FAF1: variants seen among roughly 807,000 people sequenced by gnomAD.
The protein encoded by FAF1 is Fas associated factor 1.
A neutral mutation model predicts 92.5 loss-of-function variants in FAF1; 25 were observed. That is an observed-to-expected ratio of 0.27 (90% CI 0.20 to 0.38). The LOEUF (loss-of-function observed/expected upper bound fraction) is 0.38, where lower values mean the gene tolerates loss of function less well. Among genes scored for constraint, FAF1 ranks in the 10% least tolerant of loss-of-function variants. The probability of loss-of-function intolerance (pLI) is 1.00; values close to 1 mark genes in which losing one functional copy is unlikely to be tolerated. For missense variants in FAF1, 636 were observed against 793.3 expected, an observed-to-expected ratio of 0.80 and a Z score of 2.38; for synonymous variants, 234 against 273.2, an observed-to-expected ratio of 0.86 and a Z score of 1.42.
In FAF1 at chr1:50,592,234, A is replaced by ATT. The variant is rs1269591619; in HGVS notation, c.840+3886_840+3887insAA. Among the ~76,000 whole-genome samples the ATT allele has an allele frequency of 2.0e-5, 3 of 149,920 alleles. No homozygotes were observed. The East Asian group carries it at 5.9e-4, about 30-fold the overall frequency. Reference sequence around the variant, plus strand: ...GCATTCAATAAATGTTTCTTTAACCATAGTTATAAACTGATGCTTTTAACA... The same window carrying ATT: ...GCATTCAATAAATGTTTCTTTAACCATTTAGTTATAAACTGATGCTTTTAACA... On this transcript the variant is annotated intron_variant, in intron 9 of 18. Coordinates refer to ENST00000396153, the MANE Select transcript of FAF1 (RefSeq NM_007051.3).
At chr1:50,703,774 C>T (rs1003400591) in intron 7 of FAF1, among the ~76,000 whole-genome samples, 8 of 152,078 alleles carry the variant, frequency 5.3e-5, no homozygotes, top group Non-Finnish European at 1.0e-4. Context: ...TAGCAGGCCA[C>T]GGAGAACAGT....
chr1:50,694,080 A>G (rs1180719303), intron 7 of FAF1, among the ~76,000 whole-genome samples: 1 of 150,722 alleles, frequency 6.6e-6, no homozygotes, highest in Non-Finnish European at 1.5e-5. Context: ...TACATGACAT[A>G]TATATAAAAA....
intron 4 of FAF1, among the ~76,000 whole-genome samples, chr1:50,747,020 T>C (rs562608378): frequency 5.9e-5 from 9 of 152,270 alleles, no homozygotes; most frequent in African/African-American, 2.2e-4. Flanking sequence ...GGCCCCCGCA[T>C]AGATTTCAGA....
At chr1:50,955,049 G>A (rs890755587) in intron 1 of FAF1, among the ~76,000 whole-genome samples, 1 of 152,142 alleles carries the variant, frequency 6.6e-6, no homozygotes, top group African/African-American at 2.4e-5. Context: ...ACCAAAAGAA[G>A]TAACTGATAT....
At chr1:50,650,711 G>T (rs1052757917) in intron 8 of FAF1, among the ~76,000 whole-genome samples, 2 of 152,188 alleles carry the variant, frequency 1.3e-5, no homozygotes, top group African/African-American at 4.8e-5. Flanking sequence ...AGAACTACAT[G>T]TATTCATATT....
At chr1:50,893,650 C>T (rs1300433681) in intron 1 of FAF1, among the ~76,000 whole-genome samples, 1 of 152,170 alleles carries the variant, frequency 6.6e-6, no homozygotes, top group Non-Finnish European at 1.5e-5. Context: ...GATGCCAGCA[C>T]AGTACTGAGT....
Position 50,437,398 on chromosome 1 carries a change from T to C in FAF1, c.*4042A>G, listed in dbSNP as rs1187359343. The C allele has an allele frequency of 6.7e-6, 1 of 149,448 alleles. No individual in the cohort carries two copies. Among genetic ancestry groups the C allele is most frequent in the East Asian group, 2.0e-4 (1 of 5,120 alleles). 9.3% of individuals were successfully genotyped at this position (149,448 alleles called of 1,614,324 possible). ...TTAACCTTTCTTTTTTTTTTTTTTT[T>C]AAAGAGATGAGGTCTTACTCTGATG... On this transcript the variant is annotated 3_prime_UTR_variant, in exon 19 of 19. Transcript: ENST00000396153.
Position 50,463,220 on chromosome 1 carries a change from T to G in FAF1, c.1869+12244A>C, listed in dbSNP as rs1440056550. Among the ~76,000 whole-genome samples the G allele has an allele frequency of 2.6e-5, 4 of 152,338 alleles. No individual in the cohort carries two copies. In the South Asian group the frequency reaches 8.3e-4, roughly 32 times the overall value. On this transcript the variant is annotated intron_variant, in intron 18 of 18. Coordinates refer to ENST00000396153, the MANE Select transcript of FAF1 (RefSeq NM_007051.3). ...CTTCCTTGGTTGGCAACATTTCACA[T>G]GTGTTGTCTCAAATCACTGCTGGAG...
At chr1:50,927,434 G>A (rs1456472452) in intron 1 of FAF1, among the ~76,000 whole-genome samples, 1 of 151,980 alleles carries the variant, frequency 6.6e-6, no homozygotes, top group African/African-American at 2.4e-5. Flanking sequence ...GACAAAAAAT[G>A]AGCCGGGCAT....
chr1:50,505,728 GA>G (rs1647050820), intron 15 of FAF1, among the ~76,000 whole-genome samples: 2 of 152,184 alleles, frequency 1.3e-5, no homozygotes, highest in Non-Finnish European at 2.9e-5. Flanking sequence ...AGCTGTGACA[GA>G]AAGTATATGG....
intron 7 of FAF1, among the ~76,000 whole-genome samples, chr1:50,691,458 T>A (rs113814626): frequency 6.6e-5 from 10 of 152,044 alleles, no homozygotes; most frequent in Admixed American, 6.6e-5. Context: ...CCCAGGCTGG[T>A]CTCAAACTCC....
At chr1:50,511,579 A>G in intron 15 of FAF1, among the ~76,000 whole-genome samples, 1 of 152,062 alleles carries the variant, frequency 6.6e-6, no homozygotes, top group Non-Finnish European at 1.5e-5. Context: ...ACACGAACTC[A>G]TCCTTTTTTA....
intron 2 of FAF1, among the ~76,000 whole-genome samples, chr1:50,853,509 C>A (rs1644368445): frequency 6.6e-6 from 1 of 152,074 alleles, no homozygotes; most frequent in African/African-American, 2.4e-5. Flanking sequence ...TGAATAGAGT[C>A]TTTCTTCAGC....
chr1:50,846,532 G>A, intron 2 of FAF1: 1 of 500,346 alleles, frequency 2.0e-6, no homozygotes, highest in Non-Finnish European at 4.0e-6. Flanking sequence ...CTGCTGCTTT[G>A]AAACATACGA....
intron 6 of FAF1, among the ~76,000 whole-genome samples, chr1:50,729,769 T>C (rs890332021): frequency 6.8e-6 from 1 of 147,446 alleles, no homozygotes; most frequent in Admixed American, 6.8e-5. Flanking sequence ...ACACCTGTAA[T>C]CCCAGCACTT....
chr1:50,694,554 G>GAA (rs35983172), intron 7 of FAF1, among the ~76,000 whole-genome samples: 1 of 130,824 alleles, frequency 7.6e-6, no homozygotes, highest in Admixed American at 7.8e-5. Flanking sequence ...CTATAGCCAG[G>GAA]AAAAAAAAAA....
intron 15 of FAF1, among the ~76,000 whole-genome samples, chr1:50,497,164 A>G (rs1471310153): frequency 6.6e-6 from 1 of 152,124 alleles, no homozygotes. Context: ...GCAGCTGGAG[A>G]AAAGAAAAGA....
chr1:50,802,667 C>T (rs1553141136), intron 2 of FAF1, among the ~76,000 whole-genome samples: 6 of 152,190 alleles, frequency 3.9e-5, no homozygotes, highest in Non-Finnish European at 7.3e-5. Context: ...TGCAGGGTAA[C>T]AGAGAATATT....
At chr1:50,884,715 GT>G (rs1252914674) in intron 1 of FAF1, among the ~76,000 whole-genome samples, 2 of 151,562 alleles carry the variant, frequency 1.3e-5, no homozygotes, top group Non-Finnish European at 2.9e-5. Flanking sequence ...CTGAACTGTA[GT>G]TTTTTTTGGT....
Sources: gnomAD v4.1 joint callset for allele counts (sites outside exome capture counted in the v4.1 genomes callset) on GRCh38, gnomAD v4.1.1 for gene constraint, MANE v1.5 for transcripts, NCBI Gene and HGNC (gene_info 2026-07-23, HGNC 2026-07-21) for gene names.